The following SOBP variants were observed in gnomAD, a reference collection of about 807,000 sequenced individuals.
SOBP encodes the protein sine oculis binding protein homolog, also known as sine oculis-binding protein homolog.
Under a neutral mutation model 53.6 loss-of-function variants are expected in SOBP, and 4 were observed. That is an observed-to-expected ratio of 0.07 (90% CI 0.04 to 0.17). The LOEUF is 0.17. Ranked by LOEUF, SOBP falls within the 10% of genes least tolerant of loss-of-function variation. The pLI is 1.00. For missense variants in SOBP, 1,088 were observed against 1,204.7 expected, an observed-to-expected ratio of 0.90 and a Z score of 1.43; for synonymous variants, 584 against 522.6, an observed-to-expected ratio of 1.12 and a Z score of -1.60.
intron 5 of SOBP, among the ~76,000 whole-genome samples, chr6:107,591,968 G>GTTTTT (rs56210027): frequency 3.9e-4 from 35 of 88,652 alleles, no homozygotes; most frequent in African/African-American, 7.0e-4. Flanking sequence ...GTCTTTTGGT[G>GTTTTT]TTTTTTTTTT....
At chr6:107,645,694 T>C (rs1362722992) in intron 6 of SOBP, among the ~76,000 whole-genome samples, 1 of 152,200 alleles carries the variant, frequency 6.6e-6, no homozygotes, top group Non-Finnish European at 1.5e-5. Context: ...CACACAAGTA[T>C]TCAGTGATCA....
intron 3 of SOBP, among the ~76,000 whole-genome samples, chr6:107,515,925 A>T (rs1783306447): frequency 6.6e-6 from 1 of 152,226 alleles, no homozygotes; most frequent in African/African-American, 2.4e-5. Flanking sequence ...AGTCAATATG[A>T]TTAACAAAAT....
At chr6:107,561,643 T>A (rs1051220830) in intron 4 of SOBP, among the ~76,000 whole-genome samples, 2 of 152,256 alleles carry the variant, frequency 1.3e-5, no homozygotes, top group African/African-American at 4.8e-5. Context: ...GGAGCTTGGC[T>A]GGTCAGATTC....
At chr6:107,523,903 G>A (rs1783586011) in intron 3 of SOBP, among the ~76,000 whole-genome samples, 1 of 152,220 alleles carries the variant, frequency 6.6e-6, no homozygotes, top group Non-Finnish European at 1.5e-5. Context: ...TAGTGTCCAT[G>A]CGTGTCTTGT....
At chr6:107,623,291 A>G (rs864691) in intron 5 of SOBP, among the ~76,000 whole-genome samples, 87,302 of 152,068 alleles carry the variant, frequency 0.57, 27,263 homozygotes, top group Middle Eastern at 0.78. Context: ...CCTTAGGGGA[A>G]TGCCCAAGTT....
chr6:107,649,000 G>A (rs1021996249), intron 6 of SOBP, among the ~76,000 whole-genome samples: 2 of 151,678 alleles, frequency 1.3e-5, no homozygotes, highest in African/African-American at 4.9e-5. Flanking sequence ...CCAGGAGTTT[G>A]AGACCCCATC....
rs1459819202 is a variant in SOBP, at chr6:107,623,863, GT to G, written c.670-9649del. Among the ~76,000 whole-genome samples, 3 of 152,216 alleles carry G rather than the reference GT, an allele frequency of 2.0e-5. No individual in the cohort carries two copies. The East Asian group carries it at 5.8e-4, about 29-fold the overall frequency. On this transcript the variant is annotated intron_variant, in intron 5 of 6. Transcript: ENST00000317357. ...AGAGTGAAAAGAGGATGGGTTTGAA[GT>G]TCTGGATCTGAATCCGGGCTTCACT... is the stretch of plus-strand genomic sequence containing the variant.
intron 3 of SOBP, among the ~76,000 whole-genome samples, chr6:107,528,898 G>C (rs1783742121): frequency 6.6e-6 from 1 of 152,178 alleles, no homozygotes; most frequent in South Asian, 2.1e-4. Flanking sequence ...TGTGTGATTA[G>C]GAGCAAATTA....
rs538345268 is a variant in SOBP at position 107,578,536 on chromosome 6, A to G, written c.574-8544A>G. Among the ~76,000 whole-genome samples the G allele has an allele frequency of 1.2e-4, 19 of 152,330 alleles. No individual in the cohort carries two copies. In the East Asian group the frequency reaches 3.7e-3, roughly 29 times the overall value. The stretch of plus-strand genomic sequence containing the variant: ...AACTGTGTGAGTTTGTGTAAACTCC[A>G]TAATGTCTCTGTGCCCCAGCTTCTT... On this transcript the variant is annotated intron_variant, in intron 4 of 6. Coordinates refer to ENST00000317357, the MANE Select transcript of SOBP (RefSeq NM_018013.4).
chr6:107,534,634 C>T (rs1442116044), intron 4 of SOBP, among the ~76,000 whole-genome samples: 2 of 152,146 alleles, frequency 1.3e-5, no homozygotes, highest in Non-Finnish European at 2.9e-5. Flanking sequence ...AAATTATCTC[C>T]TGAAAATTTG....
At chr6:107,514,162 T>C (rs1198799207) in intron 3 of SOBP, 2 of 152,380 alleles carry the variant, frequency 1.3e-5, no homozygotes, top group African/African-American at 4.8e-5. Context: ...AATACAGATG[T>C]ATGTCATCAT....
chr6:107,512,416 T>C (rs920523504), intron 3 of SOBP, among the ~76,000 whole-genome samples: 1 of 152,218 alleles, frequency 6.6e-6, no homozygotes, highest in Non-Finnish European at 1.5e-5. Flanking sequence ...ATATTTGGCC[T>C]TCTCTGGTTT....
chr6:107,554,129 C>T (rs1784541808), intron 4 of SOBP, among the ~76,000 whole-genome samples: 1 of 152,168 alleles, frequency 6.6e-6, no homozygotes, highest in Non-Finnish European at 1.5e-5. Context: ...GTATGCCTCC[C>T]AGCAGATTTT....
At chr6:107,550,206 G>T (rs1271410089) in intron 4 of SOBP, among the ~76,000 whole-genome samples, 2 of 152,188 alleles carry the variant, frequency 1.3e-5, no homozygotes, top group Admixed American at 1.3e-4. Context: ...CCAGAGAGAA[G>T]CATAAGAATG....
At chr6:107,601,128 T>A (rs1197826938) in intron 5 of SOBP, among the ~76,000 whole-genome samples, 1 of 151,988 alleles carries the variant, frequency 6.6e-6, no homozygotes, top group Non-Finnish European at 1.5e-5. Flanking sequence ...GTCTAGGGAG[T>A]TGTCAGGAAT....
At chr6:107,594,274 C>G (rs1186640899) in intron 5 of SOBP, among the ~76,000 whole-genome samples, 1 of 152,178 alleles carries the variant, frequency 6.6e-6, no homozygotes, top group Non-Finnish European at 1.5e-5. Context: ...TGGTAAACAA[C>G]TGGCACTCAA....
chr6:107,501,495 A>AG (rs1394050821), intron 1 of SOBP, among the ~76,000 whole-genome samples: 1 of 152,224 alleles, frequency 6.6e-6, no homozygotes, highest in African/African-American at 2.4e-5. Flanking sequence ...TATATGTAAA[A>AG]GATATTCTGT....
At chr6:107,512,187 T>G (rs934562987) in intron 3 of SOBP, among the ~76,000 whole-genome samples, 1 of 152,248 alleles carries the variant, frequency 6.6e-6, no homozygotes, top group Non-Finnish European at 1.5e-5. Flanking sequence ...TTTGCTAATT[T>G]AAAAAATCAC....
chr6:107,592,960 A>G (rs941765831), intron 5 of SOBP, among the ~76,000 whole-genome samples: 3 of 152,244 alleles, frequency 2.0e-5, no homozygotes, highest in African/African-American at 7.2e-5. Context: ...CAGCAAGACC[A>G]TCTAGACTTT....
Sources: gnomAD v4.1 joint callset for allele counts (sites outside exome capture counted in the v4.1 genomes callset) on GRCh38, gnomAD v4.1.1 for gene constraint, MANE v1.5 for transcripts, NCBI Gene and HGNC (gene_info 2026-07-23, HGNC 2026-07-21) for gene names.